LIMA1: variants seen among roughly 807,000 people sequenced by gnomAD.
The protein encoded by LIMA1 is LIM domain and actin-binding protein 1.
A neutral mutation model predicts 62.6 loss-of-function variants in LIMA1; 52 were observed. The ratio of observed to expected loss-of-function variants is 0.83; its 90% CI spans 0.67 to 1.05. LIMA1 has a LOEUF of 1.05. Among genes scored for constraint, LIMA1 ranks in the 50% least tolerant of loss-of-function variants. The pLI is 0.00. For synonymous variants in LIMA1, 302 were observed against 317.8 expected (o/e 0.95, Z 0.53); for missense variants, 780 against 902.2 (o/e 0.86, Z 1.74).
At chr12:50,210,488 G>A (rs960061620) in intron 4 of LIMA1, among the ~76,000 whole-genome samples, 5 of 150,294 alleles carry the variant, frequency 3.3e-5, no homozygotes, top group African/African-American at 7.4e-5. Context: ...TCTTAATACA[G>A]ATATTTGCTT....
intron 1 of LIMA1, among the ~76,000 whole-genome samples, chr12:50,260,431 G>A (rs1227652029): frequency 6.6e-6 from 1 of 152,170 alleles, no homozygotes; most frequent in Admixed American, 6.5e-5. Context: ...TTAGAGGCGT[G>A]AGCCACCACG....
intron 6 of LIMA1, among the ~76,000 whole-genome samples, chr12:50,203,394 C>A (rs555223945): frequency 2.0e-5 from 3 of 151,976 alleles, no homozygotes; most frequent in African/African-American, 7.2e-5. Context: ...AAGGACCCTC[C>A]ATTGTATTTT....
intron 1 of LIMA1, among the ~76,000 whole-genome samples, chr12:50,272,506 T>C (rs1468612709): frequency 6.9e-6 from 1 of 145,746 alleles, no homozygotes; most frequent in Non-Finnish European, 1.5e-5. Context: ...GCAGGAGAAT[T>C]GCTTGAACCC....
chr12:50,241,417 T>C (rs1225282338), intron 2 of LIMA1, among the ~76,000 whole-genome samples: 1 of 152,206 alleles, frequency 6.6e-6, no homozygotes, highest in Non-Finnish European at 1.5e-5. Context: ...GGTATTTACA[T>C]TGTGGTTAGT....
At chr12:50,281,198 G>A (rs1190650400) in intron 1 of LIMA1, among the ~76,000 whole-genome samples, 2 of 152,062 alleles carry the variant, frequency 1.3e-5, no homozygotes, top group African/African-American at 4.8e-5. Flanking sequence ...TGGTACGAGG[G>A]CTCTAAGTTA....
chr12:50,199,039 CT>C (rs1220813108), intron 7 of LIMA1, among the ~76,000 whole-genome samples: 1 of 152,048 alleles, frequency 6.6e-6, no homozygotes, highest in African/African-American at 2.4e-5. Flanking sequence ...GTCAGCAAAC[CT>C]GTAATTCTGG....
chr12:50,178,208 A>C, intron 10 of LIMA1, 139 bp from the exon 11 acceptor site: 1 of 611,608 alleles, frequency 1.6e-6, no homozygotes, highest in Admixed American at 3.9e-5. Flanking sequence ...TTCAGTGACC[A>C]GGAATTCCTT....
intron 1 of LIMA1, among the ~76,000 whole-genome samples, chr12:50,276,352 T>C (rs1363832508): frequency 6.6e-6 from 1 of 152,186 alleles, no homozygotes; most frequent in Non-Finnish European, 1.5e-5. Context: ...GTACAGGGAC[T>C]ATCCACATAG....
intron 1 of LIMA1, among the ~76,000 whole-genome samples, chr12:50,252,452 G>A (rs1941942038): frequency 1.3e-5 from 2 of 151,856 alleles, no homozygotes; most frequent in South Asian, 4.2e-4. Context: ...GTGGTGGCAC[G>A]CGCCTGTAAT....
intron 6 of LIMA1, among the ~76,000 whole-genome samples, chr12:50,203,813 A>G (rs1941102171): frequency 6.6e-6 from 1 of 152,152 alleles, no homozygotes; most frequent in South Asian, 2.1e-4. Flanking sequence ...AGTACATCGT[A>G]AGGATTAAAG....
At position 50,232,781 on chromosome 12, in the gene LIMA1, G is replaced by A. The variant is rs537717448; in HGVS notation, c.120-1071C>T. 1.2e-4 allele frequency among the ~76,000 whole-genome samples: 19 copies of A among 152,340 alleles called. No individual in the cohort carries two copies. The South Asian group carries it at 3.5e-3, about 28-fold the overall frequency. On this transcript the variant is annotated intron_variant, in intron 2 of 10. Coordinates refer to ENST00000341247, the MANE Select transcript of LIMA1 (RefSeq NM_016357.5). ...GTGGGTGGATCGCCTGAGGTCAGGA[G>A]TTCAAGACCAGCCTGGCCAGCATGG...
chr12:50,277,944 A>T (rs1489337122), intron 1 of LIMA1, among the ~76,000 whole-genome samples: 1 of 152,236 alleles, frequency 6.6e-6, no homozygotes, highest in Non-Finnish European at 1.5e-5. Flanking sequence ...AGAAATACAA[A>T]TTAATTCATT....
In LIMA1 at chr12:50,231,691, C is replaced by T. The variant is rs1941613394; in HGVS notation, c.139G>A (p.Glu47Lys). 1.9e-6 allele frequency: 3 copies of T among 1,613,934 alleles called. No homozygotes were observed. The highest frequency in any genetic ancestry group is 2.5e-6 in the Non-Finnish European group (3 of 1,179,788). The change falls in exon 3 of 11, where the codon GAA becomes AAA. Residue 47 changes from glutamate to lysine, a missense_variant. Transcript: ENST00000341247. ...IFSKYQKAAE[E>K]TNMEKKRSNT... ...CTTCTCTTCTTCTCCATGTTTGTTT[C>T]TTCAGCTGCTTTCTGGTACCTTCAG...
At chr12:50,259,525 G>A (rs990273614) in intron 1 of LIMA1, among the ~76,000 whole-genome samples, 1 of 152,072 alleles carries the variant, frequency 6.6e-6, no homozygotes, top group African/African-American at 2.4e-5. Context: ...CTAGTTATGA[G>A]GAAGCATATA....
intron 2 of LIMA1, among the ~76,000 whole-genome samples, chr12:50,240,221 C>T (rs986681331): frequency 6.6e-6 from 1 of 151,982 alleles, no homozygotes; most frequent in Non-Finnish European, 1.5e-5. Context: ...GAAAGTGTCT[C>T]ATGTATATAG....
intron 7 of LIMA1, 149 bp downstream of exon 7, chr12:50,200,628 G>T (rs1347898695): frequency 1.2e-6 from 1 of 821,786 alleles, no homozygotes; most frequent in African/African-American, 1.7e-5. Context: ...CTGAAATTAT[G>T]TGACCTGCAA....
intron 2 of LIMA1, among the ~76,000 whole-genome samples, chr12:50,234,448 A>T (rs1320865021): frequency 2.0e-5 from 3 of 151,922 alleles, no homozygotes; most frequent in Admixed American, 6.6e-5. Context: ...GCCTCAAGAG[A>T]TACGCCTGCT....
At chr12:50,232,650 T>G (rs1353483329) in intron 2 of LIMA1, among the ~76,000 whole-genome samples, 1 of 151,648 alleles carries the variant, frequency 6.6e-6, no homozygotes, top group African/African-American at 2.4e-5. Flanking sequence ...ATTACAGGCA[T>G]GAGCCACCAG....
chr12:50,193,379 G>C (rs1940822802), intron 8 of LIMA1, among the ~76,000 whole-genome samples: 1 of 150,426 alleles, frequency 6.6e-6, no homozygotes, highest in Non-Finnish European at 1.5e-5. Flanking sequence ...TATTTCAGTT[G>C]TAGGGTTTTC....
Sources: allele counts gnomAD v4.1 joint callset (sites outside exome capture counted in the v4.1 genomes callset), GRCh38; gene constraint gnomAD v4.1.1; transcripts MANE v1.5; gene names NCBI Gene and HGNC (gene_info 2026-07-23, HGNC 2026-07-21).